The following DOCK10 variants were observed in gnomAD, a reference collection of about 807,000 sequenced individuals.
The protein encoded by DOCK10 is dedicator of cytokinesis protein 10.
In DOCK10, 145 loss-of-function variants were observed where a neutral mutation model predicts 280.1. The ratio of observed to expected loss-of-function variants is 0.52; its 90% CI spans 0.45 to 0.59. The LOEUF (loss-of-function observed/expected upper bound fraction) is 0.59, where lower values mean the gene tolerates loss of function less well. Among genes scored for constraint, DOCK10 ranks in the 20% least tolerant of loss-of-function variants. The pLI is 0.00. For missense variants in DOCK10, 2,368 were observed against 2,651.7 expected (o/e 0.89, Z 2.35); for synonymous variants, 915 against 942.2 (o/e 0.97, Z 0.53).
At position 224,800,233 on chromosome 2, in the gene DOCK10, T is replaced by C. The variant is rs745914299; in HGVS notation, c.4424A>G (p.His1475Arg). ...SNSNEIDIVH[H>R]VDTEANIATE... ...AGCTATATTGGCCTCAGTGTCTACA[T>C]GATGCACGATGTCTATTTCATTGGA... Residue 1475 changes from histidine to arginine, a missense_variant, in exon 41 of 56, where the codon CAT becomes CGT. His to Arg is a conservative substitution (Grantham distance 29). This residue lies in a region of DOCK10 where 1,159 missense variants were observed against 1,400.8 expected (regional missense o/e 0.83). Coordinates refer to ENST00000258390, the MANE Select transcript of DOCK10 (RefSeq NM_014689.3). 1.2e-6 allele frequency: 2 copies of C among 1,611,198 alleles called. No homozygotes were observed. Among genetic ancestry groups the C allele is most frequent in the African/African-American group, 2.7e-5 (2 of 74,866 alleles).
At position 224,849,647 on chromosome 2, in the gene DOCK10, C is replaced by T. The variant is rs773420732; in HGVS notation, c.2143-48G>A. 9 of 1,353,418 alleles carry T rather than the reference C, an allele frequency of 6.6e-6. No homozygotes were observed. In the South Asian group the frequency reaches 1.0e-4, roughly 15 times the overall value. 83.8% of individuals were successfully genotyped at this position (1,353,418 alleles called of 1,614,324 possible). Reference sequence around the variant, plus strand: ...AACAATTATGAGTGTCTGAAATTATCCCTGGGTGAAAAAAAAGTCCATAAC... The same window carrying T: ...AACAATTATGAGTGTCTGAAATTATTCCTGGGTGAAAAAAAAGTCCATAAC... On this transcript the variant is annotated intron_variant, in intron 18 of 55. Coordinates refer to ENST00000258390, the MANE Select transcript of DOCK10 (RefSeq NM_014689.3).
chr2:224,871,500 G>A (rs913959835), intron 11 of DOCK10, among the ~76,000 whole-genome samples: 3 of 152,114 alleles, frequency 2.0e-5, no homozygotes, highest in Admixed American at 2.0e-4. Context: ...TGTTTTTAAA[G>A]TGCTTTAAAC....
intron 7 of DOCK10, among the ~76,000 whole-genome samples, chr2:224,884,595 T>A (rs941587700): frequency 6.6e-6 from 1 of 152,232 alleles, no homozygotes; most frequent in Non-Finnish European, 1.5e-5. Context: ...TGCTTCCCTT[T>A]GCCACAGTGG....
intron 7 of DOCK10, among the ~76,000 whole-genome samples, chr2:224,883,171 T>A (rs1240672537): frequency 6.6e-6 from 1 of 152,222 alleles, no homozygotes; most frequent in Non-Finnish European, 1.5e-5. Flanking sequence ...TTCATCATTG[T>A]TTCATGTTCC....
At position 224,794,866 on chromosome 2, in the gene DOCK10, C is replaced by T. The variant is rs540148114; in HGVS notation, c.5154+13G>A. 6 of 1,612,686 alleles carry T rather than the reference C, an allele frequency of 3.7e-6. No individual in the cohort carries two copies. The African/African-American group carries it at 6.7e-5, about 18-fold the overall frequency. ...CAATACTGATGGTAAATGACCAAGC[C>T]TTGGCTAATCACCTCAGATAAATCT... On this transcript the variant is annotated intron_variant, in intron 45 of 55. Transcript: ENST00000258390.
chr2:224,798,971 C>T (rs767805209), intron 41 of DOCK10, among the ~76,000 whole-genome samples: 10 of 152,102 alleles, frequency 6.6e-5, no homozygotes, highest in Admixed American at 1.3e-4. Flanking sequence ...GGTGTTTAAG[C>T]TCATTTGGTA....
At chr2:225,020,432 G>T (rs1323596335) in intron 1 of DOCK10, among the ~76,000 whole-genome samples, 1 of 152,128 alleles carries the variant, frequency 6.6e-6, no homozygotes, top group African/African-American at 2.4e-5. Flanking sequence ...TCTGTTTTCT[G>T]CCAAACTTAA....
At chr2:224,850,807 T>C (rs1696681023) in intron 18 of DOCK10, among the ~76,000 whole-genome samples, 1 of 152,062 alleles carries the variant, frequency 6.6e-6, no homozygotes, top group Non-Finnish European at 1.5e-5. Context: ...CTCTCTCACC[T>C]GCCACCATGT....
At chr2:224,982,312 C>A in intron 1 of DOCK10, 1 of 1,232,006 alleles carries the variant, frequency 8.1e-7, no homozygotes, top group Non-Finnish European at 1.0e-6. Context: ...GTGGACAGCT[C>A]CTCTGGACCA....
chr2:224,946,032 A>T (rs531704324), intron 1 of DOCK10, among the ~76,000 whole-genome samples: 1 of 152,340 alleles, frequency 6.6e-6, no homozygotes, highest in African/African-American at 2.4e-5. Context: ...TGAAATGAAC[A>T]TTCTTCTAAA....
At chr2:224,972,953 A>G (rs901875557) in intron 1 of DOCK10, among the ~76,000 whole-genome samples, 1 of 152,240 alleles carries the variant, frequency 6.6e-6, no homozygotes, top group Non-Finnish European at 1.5e-5. Flanking sequence ...AATCTATTCA[A>G]TAAGTATTTC....
intron 1 of DOCK10, among the ~76,000 whole-genome samples, chr2:224,957,294 C>CCA (rs1559862823): frequency 7.0e-6 from 1 of 142,278 alleles, no homozygotes. Context: ...CGCCCCCCCC[C>CCA]GGCTTTGTTT....
intron 26 of DOCK10, among the ~76,000 whole-genome samples, chr2:224,832,386 C>T (rs558794069): frequency 6.6e-6 from 1 of 152,234 alleles, no homozygotes; most frequent in South Asian, 2.1e-4. Context: ...ATATAATCAC[C>T]ATGTACTTAT....
chr2:225,014,084 G>GTTTTTTT (rs1174953662), intron 1 of DOCK10, among the ~76,000 whole-genome samples: 11 of 104,430 alleles, frequency 1.1e-4, no homozygotes, highest in African/African-American at 4.9e-4. Context: ...TGAATATATT[G>GTTTTTTT]TTTTTTTTTT....
Position 224,787,016 on chromosome 2 carries a change from A to G in DOCK10, c.5655+6T>C, listed in dbSNP as rs1170048118. On this transcript the variant is annotated splice_donor_region_variant and intron_variant, in intron 50 of 55. Transcript: ENST00000258390. ...TTATGGGCCGTGTTATTTCTGGTGA[A>G]CTTACCTGCCCATAAAATGCCACAC... 1.2e-6 allele frequency: 2 copies of G among 1,609,134 alleles called. No homozygotes were observed. Among genetic ancestry groups the G allele is most frequent in the African/African-American group, 2.7e-5 (2 of 74,806 alleles).
At chr2:225,005,114 A>G (rs185277888) in intron 1 of DOCK10, among the ~76,000 whole-genome samples, 1 of 152,322 alleles carries the variant, frequency 6.6e-6, no homozygotes, top group African/African-American at 2.4e-5. Flanking sequence ...TCTCTTTGGA[A>G]AAAAACCTTT....
intron 11 of DOCK10, among the ~76,000 whole-genome samples, chr2:224,872,969 G>A (rs765868038): frequency 1.3e-5 from 2 of 152,126 alleles, no homozygotes; most frequent in Non-Finnish European, 2.9e-5. Context: ...ATTTAATAAC[G>A]TTTATGCTCA....
intron 1 of DOCK10, among the ~76,000 whole-genome samples, chr2:224,940,100 G>T (rs12471843): frequency 0.62 from 94,771 of 152,012 alleles, 29,685 homozygotes; most frequent in Non-Finnish European, 0.64. Flanking sequence ...CCCATTCAAC[G>T]CTTTCCTGCC....
chr2:224,797,223 C>A, intron 42 of DOCK10, 77 bp from the exon 43 acceptor site: 1 of 1,173,296 alleles, frequency 8.5e-7, no homozygotes, highest in South Asian at 2.4e-5. Flanking sequence ...TTTAAAATTC[C>A]CTAAAACAAA....
Sources: allele counts gnomAD v4.1 joint callset (sites outside exome capture counted in the v4.1 genomes callset), GRCh38; gene constraint gnomAD v4.1.1; regional missense constraint gnomAD v4.1.1; transcripts MANE v1.5; gene names NCBI Gene and HGNC (gene_info 2026-07-23, HGNC 2026-07-21).